Variants in AKR1B15 observed in about 807,000 individuals in gnomAD.
The protein encoded by AKR1B15 is aldo-keto reductase family 1 member B15.
A neutral mutation model predicts 38.5 loss-of-function variants in AKR1B15; 49 were observed. The ratio of observed to expected loss-of-function variants is 1.27; its 90% CI spans 1.01 to 1.62. AKR1B15 has a LOEUF of 1.62. Among genes scored for constraint, AKR1B15 ranks in the 40% most tolerant of loss-of-function variants. AKR1B15 has a pLI of 0.00. For synonymous variants in AKR1B15, 137 were observed against 135.5 expected, an observed-to-expected ratio of 1.01 and a Z score of -0.08; for missense variants, 411 against 381.6, an observed-to-expected ratio of 1.08 and a Z score of -0.64.
chr7:134,579,481 C>CTTT (rs72495463), intron 11 of AKR1B15, 26 bp from the exon 12 acceptor site: 73 of 1,336,518 alleles, frequency 5.5e-5, no homozygotes, highest in South Asian at 1.6e-4. Flanking sequence ...AACACAGTTT[C>CTTT]TTTTTTTTTT....
intron 2 of AKR1B15, among the ~76,000 whole-genome samples, chr7:134,561,472 G>A (rs1794389610): frequency 6.6e-6 from 1 of 152,220 alleles, no homozygotes; most frequent in South Asian, 2.1e-4. Context: ...CTCCCAAAAT[G>A]CTGGGATTAC....
chr7:134,571,744 A>T, intron 6 of AKR1B15, 63 bp downstream of exon 6: 1 of 1,326,698 alleles, frequency 7.5e-7, no homozygotes, highest in Admixed American at 1.9e-5. Context: ...TGAGATTCCC[A>T]TTGATATGAA....
chr7:134,576,515 C>A, intron 9 of AKR1B15, 85 bp downstream of exon 9: 1 of 1,492,556 alleles, frequency 6.7e-7, no homozygotes, highest in South Asian at 1.2e-5. Flanking sequence ...TCAACTGACT[C>A]CTTAAAGGGG....
intron 11 of AKR1B15, among the ~76,000 whole-genome samples, chr7:134,579,007 G>C (rs544161791): frequency 6.6e-6 from 1 of 152,328 alleles, no homozygotes; most frequent in South Asian, 2.1e-4. Flanking sequence ...TTCGCTGTGT[G>C]ACATTGGGCA....
chr7:134,578,453 T>C (rs948690755), intron 11 of AKR1B15, among the ~76,000 whole-genome samples: 1 of 152,172 alleles, frequency 6.6e-6, no homozygotes, highest in Non-Finnish European at 1.5e-5. Flanking sequence ...TTAAATCATC[T>C]CCAAATGCCT....
In AKR1B15 at chr7:134,575,374, T is replaced by A. The variant is rs1794744656; in HGVS notation, c.514-46T>A. On this transcript the variant is annotated intron_variant, in intron 6 of 11. Coordinates refer to ENST00000457545, the MANE Select transcript of AKR1B15 (RefSeq NM_001080538.3). ...GAAGACTAAGGCAAGCCAGGGTCCC[T>A]GTAGTCCCTCTAGAGCTGCCCATAA... 2.5e-6 allele frequency: 4 copies of A among 1,601,652 alleles called. No homozygotes were observed. The East Asian group carries it at 6.7e-5, about 27-fold the overall frequency.
intron 1 of AKR1B15, among the ~76,000 whole-genome samples, chr7:134,554,206 T>G (rs1171159231): frequency 6.6e-6 from 1 of 152,130 alleles, no homozygotes; most frequent in Non-Finnish European, 1.5e-5. Context: ...AGAGAAGACA[T>G]GGCCATTGCT....
intron 3 of AKR1B15, among the ~76,000 whole-genome samples, chr7:134,566,549 A>C (rs2117650640): frequency 6.6e-6 from 1 of 152,272 alleles, no homozygotes; most frequent in South Asian, 2.1e-4. Context: ...CTAAGTTTGA[A>C]GTTGTTCCAT....
chr7:134,573,822 T>C (rs1794710758), intron 6 of AKR1B15, among the ~76,000 whole-genome samples: 1 of 152,180 alleles, frequency 6.6e-6, no homozygotes, highest in Admixed American at 6.5e-5. Context: ...ACCTGAGGAA[T>C]TTAAAAATCC....
chr7:134,573,394 T>C (rs1472031401), intron 6 of AKR1B15: 1 of 985,294 alleles, frequency 1.0e-6, no homozygotes, highest in African/African-American at 1.7e-5. Flanking sequence ...GTATGGCAAG[T>C]ATGTCAATGT....
At chr7:134,554,270 C>T (rs535480644) in intron 1 of AKR1B15, among the ~76,000 whole-genome samples, 4 of 152,218 alleles carry the variant, frequency 2.6e-5, no homozygotes, top group African/African-American at 7.2e-5. Context: ...AGCTCCTGGT[C>T]GTGCCTTTAA....
chr7:134,571,158 AG>A (rs1794659499), intron 5 of AKR1B15, among the ~76,000 whole-genome samples: 1 of 152,192 alleles, frequency 6.6e-6, no homozygotes. Flanking sequence ...CCTCCTGACC[AG>A]CTGGAGTGAT....
intron 3 of AKR1B15, chr7:134,565,449 C>T (rs751984673): frequency 1.6e-5 from 26 of 1,612,284 alleles, no homozygotes; most frequent in Non-Finnish European, 2.1e-5. Flanking sequence ...GAGACTTCTA[C>T]CTGCTCACTC....
intron 6 of AKR1B15, 61 bp from the exon 7 acceptor site, chr7:134,575,359 G>C: frequency 1.3e-6 from 2 of 1,573,524 alleles, no homozygotes; most frequent in Non-Finnish European, 1.7e-6. Context: ...GAAGACTAAG[G>C]CAAGCCAGGG....
intron 6 of AKR1B15, among the ~76,000 whole-genome samples, chr7:134,573,135 A>G (rs990189718): frequency 5.9e-5 from 9 of 152,192 alleles, no homozygotes; most frequent in African/African-American, 2.2e-4. Context: ...AGTAAAAACC[A>G]TTCTCCTGCC....
At chr7:134,577,947 A>G (rs1242160730) in intron 11 of AKR1B15, among the ~76,000 whole-genome samples, 161 bp downstream of exon 11, 1 of 152,208 alleles carries the variant, frequency 6.6e-6, no homozygotes, top group Non-Finnish European at 1.5e-5. Flanking sequence ...GAATCACTGT[A>G]AGGGACACAT....
chr7:134,564,855 T>G (rs904832859), intron 3 of AKR1B15, 86 bp downstream of exon 3: 2 of 530,040 alleles, frequency 3.8e-6, no homozygotes, highest in African/African-American at 1.9e-5. Context: ...TGAAGCCAGC[T>G]GGACTTCCTG....
intron 1 of AKR1B15, among the ~76,000 whole-genome samples, chr7:134,553,935 C>A (rs1367322624): frequency 6.6e-6 from 1 of 152,166 alleles, no homozygotes; most frequent in Non-Finnish European, 1.5e-5. Context: ...CCAGGCACTG[C>A]CGGCAGGTAC....
At chr7:134,556,611 C>T (rs1042617788) in intron 1 of AKR1B15, 125 bp from the exon 2 acceptor site, 1 of 152,212 alleles carries the variant, frequency 6.6e-6, no homozygotes, top group Non-Finnish European at 1.5e-5. Context: ...AGGCCTCACT[C>T]GCTGCATCAA....
Sources: gnomAD v4.1 joint callset for allele counts (sites outside exome capture counted in the v4.1 genomes callset) on GRCh38, gnomAD v4.1.1 for gene constraint, MANE v1.5 for transcripts, NCBI Gene and HGNC (gene_info 2026-07-23, HGNC 2026-07-21) for gene names.